The following TCERG1L variants were observed in gnomAD, a reference collection of about 807,000 sequenced individuals.
TCERG1L encodes the protein transcription elongation regulator 1 like.
A neutral mutation model predicts 56.3 loss-of-function variants in TCERG1L; 37 were observed. The ratio of observed to expected loss-of-function variants is 0.66; its 90% CI spans 0.51 to 0.87. The LOEUF is 0.87. TCERG1L is among the 40% of genes least tolerant of loss of function. The probability of loss-of-function intolerance (pLI) is 0.00; values close to 1 mark genes in which losing one functional copy is unlikely to be tolerated. For missense variants in TCERG1L, 799 were observed against 774.2 expected (o/e 1.03, Z -0.38); for synonymous variants, 324 against 326.3 (o/e 0.99, Z 0.08).
In TCERG1L at chr10:131,256,993, G is replaced by GAAGGAAAGA. The variant is rs1564827181; in HGVS notation, c.856+3265_856+3266insTCTTTCCTT. Among the ~76,000 whole-genome samples, 48 of 60,050 alleles carry GAAGGAAAGA rather than the reference G, an allele frequency of 8.0e-4. 1 individual carries two copies. Among genetic ancestry groups the GAAGGAAAGA allele is most frequent in the African/African-American group, 2.9e-3 (45 of 15,394 alleles). 39.4% of individuals were successfully genotyped at this position (60,050 alleles called of 152,430 possible). On this transcript the variant is annotated intron_variant, in intron 4 of 11. Transcript: ENST00000368642. ...GGAAGGAAGGAAGGAAGGAAGGAAG[G>GAAGGAAAGA]AAAGAAAGAAAGAAAGAAAGAAAGA... is the stretch of plus-strand genomic sequence containing the variant.
chr10:131,109,168 C>T (rs1845385345), intron 9 of TCERG1L, among the ~76,000 whole-genome samples: 1 of 152,208 alleles, frequency 6.6e-6, no homozygotes, highest in African/African-American at 2.4e-5. Context: ...ATCTCTCTCT[C>T]TCCTCTTGCC....
chr10:131,164,726 A>G (rs953702760), intron 5 of TCERG1L, among the ~76,000 whole-genome samples: 1 of 152,250 alleles, frequency 6.6e-6, no homozygotes, highest in Non-Finnish European at 1.5e-5. Context: ...ATTCATTAAA[A>G]AAATTGAAAG....
Position 131,260,209 on chromosome 10 carries a change from G to A in TCERG1L, c.856+50C>T, listed in dbSNP as rs371100743. Reference sequence around the variant, plus strand: ...AGGGGCATCTAACCAGGAAGCCTCCGCGCGCTCGCTAAGGCAGCACCAGGC... The same window carrying A: ...AGGGGCATCTAACCAGGAAGCCTCCACGCGCTCGCTAAGGCAGCACCAGGC... On this transcript the variant is annotated intron_variant, in intron 4 of 11. Transcript: ENST00000368642. This position sits in a 1 kb window ranked among gnomAD's most constrained non-coding sequence, Gnocchi z 5.8. 68 of 1,307,116 alleles carry A rather than the reference G, an allele frequency of 5.2e-5. No homozygotes were observed. In the African/African-American group the frequency reaches 8.0e-4, roughly 15 times the overall value. The allele number at this position is 1,307,116 out of a possible 1,614,324, so 81.0% of individuals were successfully genotyped here.
intron 7 of TCERG1L, among the ~76,000 whole-genome samples, chr10:131,141,805 A>G (rs1264523609): frequency 1.3e-5 from 2 of 152,134 alleles, no homozygotes; most frequent in Non-Finnish European, 2.9e-5. Flanking sequence ...TCACTGGTGC[A>G]TCCAGGAGCC....
intron 4 of TCERG1L, 83 bp from the exon 5 acceptor site, chr10:131,166,968 C>A: frequency 7.8e-7 from 1 of 1,284,246 alleles, no homozygotes; most frequent in East Asian, 2.5e-5. Flanking sequence ...CAAAAAGTGG[C>A]CCTGAAGATT....
intron 7 of TCERG1L, among the ~76,000 whole-genome samples, chr10:131,136,364 C>T (rs536312333): frequency 3.3e-5 from 5 of 152,274 alleles, no homozygotes; most frequent in South Asian, 2.1e-4. Context: ...GACGGAGTCT[C>T]GCTCTGCCCA....
At chr10:131,206,171 T>A (rs1182584904) in intron 4 of TCERG1L, among the ~76,000 whole-genome samples, 1 of 152,224 alleles carries the variant, frequency 6.6e-6, no homozygotes, top group Non-Finnish European at 1.5e-5. Context: ...GGACAACGAA[T>A]GAACTGCCAA....
chr10:131,288,969 G>T (rs1052893758), intron 3 of TCERG1L, among the ~76,000 whole-genome samples: 1 of 152,190 alleles, frequency 6.6e-6, no homozygotes, highest in African/African-American at 2.4e-5. Flanking sequence ...ACCATTTGTG[G>T]AATGTTGTTA....
intron 4 of TCERG1L, among the ~76,000 whole-genome samples, chr10:131,243,780 A>AG (rs751329346): frequency 2.0e-5 from 3 of 152,234 alleles, no homozygotes; most frequent in Non-Finnish European, 4.4e-5. Context: ...CTGATGCACA[A>AG]GGGACACATT....
intron 3 of TCERG1L, among the ~76,000 whole-genome samples, chr10:131,285,549 AGGAAGG>A (rs879431994): frequency 0.019 from 2,825 of 145,920 alleles, 97 homozygotes; most frequent in African/African-American, 0.043. Context: ...AAAGAAAGAA[AGGAAGG>A]AAGAAAGAAA....
chr10:131,275,815 C>T (rs1353414807), intron 3 of TCERG1L, among the ~76,000 whole-genome samples: 3 of 152,158 alleles, frequency 2.0e-5, no homozygotes, highest in Non-Finnish European at 4.4e-5. Flanking sequence ...CCCCCTGTGC[C>T]AGCATCAGCT....
intron 4 of TCERG1L, among the ~76,000 whole-genome samples, chr10:131,241,234 T>C (rs1845967985): frequency 6.6e-6 from 1 of 151,956 alleles, no homozygotes; most frequent in Non-Finnish European, 1.5e-5. Context: ...ACAGGAAAAC[T>C]AGGAGGTGGA....
At chr10:131,268,822 G>A (rs1278917545) in intron 3 of TCERG1L, among the ~76,000 whole-genome samples, 1 of 152,220 alleles carries the variant, frequency 6.6e-6, no homozygotes, top group African/African-American at 2.4e-5. Flanking sequence ...GTTGAAGACA[G>A]TTAGGAGCTT....
intron 4 of TCERG1L, among the ~76,000 whole-genome samples, chr10:131,259,483 C>G (rs2133541828): frequency 6.6e-6 from 1 of 152,308 alleles, no homozygotes; most frequent in East Asian, 1.9e-4. Flanking sequence ...TTTGAAGAAA[C>G]ACGCATTTCA....
intron 4 of TCERG1L, among the ~76,000 whole-genome samples, chr10:131,256,003 A>G (rs183763977): frequency 1.0e-3 from 152 of 152,350 alleles, no homozygotes; most frequent in Non-Finnish European, 2.0e-3. Flanking sequence ...AGGTAACTCA[A>G]TCCTCCATTA....
intron 3 of TCERG1L, among the ~76,000 whole-genome samples, chr10:131,262,037 T>A (rs796863772): frequency 2.7e-4 from 41 of 152,160 alleles, no homozygotes; most frequent in African/African-American, 9.2e-4. Context: ...TGAGGTGCAG[T>A]GTTCGAGGCA....
intron 3 of TCERG1L, among the ~76,000 whole-genome samples, chr10:131,273,411 G>C (rs1846359849): frequency 6.6e-6 from 1 of 152,208 alleles, no homozygotes; most frequent in Admixed American, 6.5e-5. Context: ...GAGTCCCTTG[G>C]CCAAAGCCCC....
intron 4 of TCERG1L, among the ~76,000 whole-genome samples, chr10:131,198,946 C>T (rs1348485757): frequency 1.3e-5 from 2 of 152,238 alleles, no homozygotes; most frequent in African/African-American, 4.8e-5. Context: ...CAGCCTCTCA[C>T]CTGGCCCACT....
chr10:131,225,393 T>G (rs1193412240), intron 4 of TCERG1L, among the ~76,000 whole-genome samples: 1 of 152,092 alleles, frequency 6.6e-6, no homozygotes, highest in Admixed American at 6.5e-5. Flanking sequence ...ATTGCACCTG[T>G]GTTTGTAAGT....
Sources: allele counts gnomAD v4.1 joint callset (sites outside exome capture counted in the v4.1 genomes callset), GRCh38; gene constraint gnomAD v4.1.1; non-coding constraint Gnocchi (gnomAD v3.1); transcripts MANE v1.5; gene names NCBI Gene and HGNC (gene_info 2026-07-23, HGNC 2026-07-21).